CADPS: variants seen among roughly 807,000 people sequenced by gnomAD.
The protein encoded by CADPS is calcium-dependent secretion activator 1.
Under a neutral mutation model 167.3 loss-of-function variants are expected in CADPS, and 57 were observed. That is an observed-to-expected ratio of 0.34 (90% CI 0.28 to 0.42). The LOEUF (loss-of-function observed/expected upper bound fraction) is 0.42. CADPS is among the 20% of genes least tolerant of loss of function. CADPS has a pLI of 1.00. For missense variants in CADPS, 1,414 were observed against 1,738.1 expected, an observed-to-expected ratio of 0.81 and a Z score of 3.32; for synonymous variants, 676 against 635.3, an observed-to-expected ratio of 1.06 and a Z score of -0.96.
At chr3:62,655,898 G>T (rs2071435937) in intron 4 of CADPS, among the ~76,000 whole-genome samples, 1 of 152,098 alleles carries the variant, frequency 6.6e-6, no homozygotes, top group African/African-American at 2.4e-5. Flanking sequence ...GGGGGGACAT[G>T]CCAGAAAGTG....
At chr3:62,761,308 C>T (rs1323944432) in intron 2 of CADPS, among the ~76,000 whole-genome samples, 4 of 151,970 alleles carry the variant, frequency 2.6e-5, no homozygotes, top group Non-Finnish European at 5.9e-5. Flanking sequence ...AGAAGTCTGT[C>T]TGTTGCAACA....
chr3:62,696,291 C>G (rs2080261289), intron 3 of CADPS, among the ~76,000 whole-genome samples: 1 of 152,106 alleles, frequency 6.6e-6, no homozygotes, highest in Non-Finnish European at 1.5e-5. Context: ...GTACTTGCTC[C>G]TTCCTGGTTT....
intron 1 of CADPS, among the ~76,000 whole-genome samples, chr3:62,806,847 T>C (rs1018288147): frequency 6.6e-6 from 1 of 152,210 alleles, no homozygotes; most frequent in African/African-American, 2.4e-5. Context: ...CAAATGACAC[T>C]AATTTAGAAA....
chr3:62,417,476 G>A (rs2050361711), intron 28 of CADPS, among the ~76,000 whole-genome samples: 1 of 151,100 alleles, frequency 6.6e-6, no homozygotes, highest in East Asian at 2.0e-4. Flanking sequence ...GTAGAGATGG[G>A]GTTTTGCTAT....
intron 1 of CADPS, among the ~76,000 whole-genome samples, chr3:62,789,467 T>C (rs2092748025): frequency 6.6e-6 from 1 of 152,224 alleles, no homozygotes. Flanking sequence ...GCAGGCCTGT[T>C]AGCATTTTCC....
At chr3:62,552,896 T>A (rs1219555682) in intron 10 of CADPS, among the ~76,000 whole-genome samples, 2 of 152,146 alleles carry the variant, frequency 1.3e-5, no homozygotes, top group African/African-American at 4.8e-5. Context: ...ATACCTAATT[T>A]GAGTAGGATG....
intron 1 of CADPS, among the ~76,000 whole-genome samples, chr3:62,825,070 T>G (rs961749010): frequency 2.0e-5 from 3 of 152,212 alleles, no homozygotes; most frequent in Non-Finnish European, 4.4e-5. Flanking sequence ...AAATTGGCTA[T>G]GGACACTTGT....
intron 28 of CADPS, among the ~76,000 whole-genome samples, chr3:62,414,415 G>A (rs1288428011): frequency 1.3e-5 from 2 of 152,164 alleles, no homozygotes; most frequent in African/African-American, 4.8e-5. Flanking sequence ...GTAGAATTAG[G>A]CTAATAATGC....
intron 3 of CADPS, among the ~76,000 whole-genome samples, chr3:62,691,083 C>T (rs1176282260): frequency 6.6e-6 from 1 of 152,002 alleles, no homozygotes; most frequent in Non-Finnish European, 1.5e-5. Flanking sequence ...GAAAAGGCTA[C>T]ACACTGTGTA....
chr3:62,453,277 G>GA (rs1184147329), intron 26 of CADPS, among the ~76,000 whole-genome samples: 5 of 152,170 alleles, frequency 3.3e-5, no homozygotes, highest in Admixed American at 2.6e-4. Context: ...AAAAAATTAT[G>GA]AATGTTTCTG....
At chr3:62,411,385 C>G (rs1225463592) in intron 28 of CADPS, among the ~76,000 whole-genome samples, 1 of 152,068 alleles carries the variant, frequency 6.6e-6, no homozygotes, top group East Asian at 1.9e-4. Flanking sequence ...ATACTTTGAC[C>G]ACGCCCATGT....
intron 3 of CADPS, among the ~76,000 whole-genome samples, chr3:62,722,642 T>C (rs1350804522): frequency 1.3e-5 from 2 of 152,254 alleles, no homozygotes; most frequent in Non-Finnish European, 2.9e-5. Context: ...GCTTCTTTTC[T>C]GGCAATTGTC....
At chr3:62,740,589 A>G (rs535529825) in intron 3 of CADPS, among the ~76,000 whole-genome samples, 1 of 152,158 alleles carries the variant, frequency 6.6e-6, no homozygotes, top group African/African-American at 2.4e-5. Flanking sequence ...ATTCAAACCC[A>G]GCTCACCTAA....
intron 8 of CADPS, among the ~76,000 whole-genome samples, chr3:62,579,454 C>T (rs1275316267): frequency 6.6e-6 from 1 of 152,082 alleles, no homozygotes; most frequent in Non-Finnish European, 1.5e-5. Context: ...GGAAGACAGA[C>T]AACAAACTAA....
At chr3:62,665,338 G>A (rs1218622413) in intron 3 of CADPS, among the ~76,000 whole-genome samples, 1 of 152,112 alleles carries the variant, frequency 6.6e-6, no homozygotes, top group Non-Finnish European at 1.5e-5. Context: ...GAGCAGTTTG[G>A]AAAATTCCAC....
intron 27 of CADPS, among the ~76,000 whole-genome samples, chr3:62,445,225 G>T (rs1168961689): frequency 6.6e-6 from 1 of 152,150 alleles, no homozygotes; most frequent in African/African-American, 2.4e-5. Flanking sequence ...TAAATTATAA[G>T]CAGTTTTATG....
intron 8 of CADPS, among the ~76,000 whole-genome samples, chr3:62,584,468 T>C (rs2084132376): frequency 6.6e-6 from 1 of 152,200 alleles, no homozygotes; most frequent in Non-Finnish European, 1.5e-5. Context: ...AACACTCCAT[T>C]CCCTTCTACT....
Position 62,420,382 on chromosome 3 carries a change from A to G in CADPS, c.3778-17197T>C, listed in dbSNP as rs940200107. On this transcript the variant is annotated intron_variant, in intron 28 of 29. Coordinates refer to ENST00000383710, the MANE Select transcript of CADPS (RefSeq NM_003716.4). The surrounding 1 kb of genome is among the most constrained non-coding windows in gnomAD (Gnocchi z 4.1). ...AACATGATCTTTTTAGGAGCTGGAT[A>G]TGGCATTGAGTGGTTTCCAAAAAGC... is the stretch of plus-strand genomic sequence containing the variant. Among the ~76,000 whole-genome samples, 9 of 152,222 alleles carry G rather than the reference A, an allele frequency of 5.9e-5. No homozygotes were observed. Among genetic ancestry groups the G allele is most frequent in the African/African-American group, 2.2e-4 (9 of 41,460 alleles).
intron 6 of CADPS, among the ~76,000 whole-genome samples, chr3:62,598,601 T>C (rs951568412): frequency 3.3e-5 from 5 of 152,318 alleles, no homozygotes; most frequent in African/African-American, 1.2e-4. Flanking sequence ...CAGCCATACA[T>C]GCATTTGATC....
Sources: gnomAD v4.1 joint callset for allele counts (sites outside exome capture counted in the v4.1 genomes callset) on GRCh38, gnomAD v4.1.1 for gene constraint, Gnocchi (gnomAD v3.1) non-coding constraint, MANE v1.5 for transcripts, NCBI Gene and HGNC (gene_info 2026-07-23, HGNC 2026-07-21) for gene names.